The following DPY19L1 variants were observed in gnomAD, a reference collection of about 807,000 sequenced individuals.
DPY19L1 encodes protein C-mannosyl-transferase DPY19L1.
A neutral mutation model predicts 96.9 loss-of-function variants in DPY19L1; 35 were observed. The ratio of observed to expected loss-of-function variants is 0.36; its 90% CI spans 0.28 to 0.48. The LOEUF (loss-of-function observed/expected upper bound fraction) is 0.48, where lower values mean the gene tolerates loss of function less well. Ranked by LOEUF, DPY19L1 falls within the 20% of genes least tolerant of loss-of-function variation. DPY19L1 has a pLI of 0.99. For missense variants in DPY19L1, 521 were observed against 777.9 expected (o/e 0.67, Z 3.93); for synonymous variants, 205 against 252.6 (o/e 0.81, Z 1.79).
chr7:35,031,456 CG>C (rs1444718261), intron 1 of DPY19L1, among the ~76,000 whole-genome samples: 1 of 152,116 alleles, frequency 6.6e-6, no homozygotes, highest in Non-Finnish European at 1.5e-5. Flanking sequence ...ACCAATCCCT[CG>C]GGGTTACTAA....
At chr7:34,991,744 CAAA>C (rs1785172828) in intron 6 of DPY19L1, among the ~76,000 whole-genome samples, 1 of 152,192 alleles carries the variant, frequency 6.6e-6, no homozygotes, top group Admixed American at 6.5e-5. Flanking sequence ...TCTGTTCTTC[CAAA>C]TCTCTCTCTC....
chr7:34,952,821 AT>A (rs1408035179), intron 13 of DPY19L1, among the ~76,000 whole-genome samples: 1 of 152,196 alleles, frequency 6.6e-6, no homozygotes, highest in African/African-American at 2.4e-5. Flanking sequence ...GGACAAAATT[AT>A]AAAAAAAACA....
At chr7:35,015,256 G>C (rs1267857064) in intron 3 of DPY19L1, among the ~76,000 whole-genome samples, 1 of 152,080 alleles carries the variant, frequency 6.6e-6, no homozygotes, top group African/African-American at 2.4e-5. Context: ...TTATCAACTT[G>C]GAAGAAGATT....
intron 1 of DPY19L1, among the ~76,000 whole-genome samples, chr7:35,036,614 G>GA (rs1786407048): frequency 6.6e-6 from 1 of 152,012 alleles, no homozygotes; most frequent in South Asian, 2.1e-4. Context: ...CGGCCAGGAA[G>GA]AAAAAAGTAC....
At position 34,962,838 on chromosome 7, in the gene DPY19L1, G is replaced by C. The variant is rs145450293; in HGVS notation, c.1092+4056C>G. Among the ~76,000 whole-genome samples the C allele has an allele frequency of 2.6e-5, 4 of 152,240 alleles. No individual in the cohort carries two copies. In the East Asian group the frequency reaches 5.8e-4, roughly 22 times the overall value. ...ACTCTGGTGCGGGATGTCAATAGAG[G>C]GGTAGGTTGTGCATGGTTGGGGGCA... On this transcript the variant is annotated intron_variant, in intron 10 of 21. Coordinates refer to ENST00000638088, the MANE Select transcript of DPY19L1 (RefSeq NM_001366673.1).
intron 14 of DPY19L1, among the ~76,000 whole-genome samples, chr7:34,948,450 T>G (rs184476792): frequency 4.5e-4 from 69 of 152,308 alleles, no homozygotes; most frequent in Middle Eastern, 3.4e-3. Flanking sequence ...TTGGAACATA[T>G]GTTCCCTGAA....
intron 7 of DPY19L1, among the ~76,000 whole-genome samples, chr7:34,987,521 T>C (rs1442835604): frequency 1.3e-5 from 2 of 152,090 alleles, no homozygotes; most frequent in African/African-American, 2.4e-5. Flanking sequence ...TCTTCACATG[T>C]AGTGCACAGC....
intron 7 of DPY19L1, among the ~76,000 whole-genome samples, chr7:34,976,279 C>A (rs1391555265): frequency 1.3e-5 from 2 of 152,164 alleles, no homozygotes; most frequent in African/African-American, 4.8e-5. Context: ...CTTAGATGGG[C>A]TCAAGACTTC....
At chr7:35,023,266 C>G (rs1012289293) in intron 1 of DPY19L1, among the ~76,000 whole-genome samples, 3 of 152,176 alleles carry the variant, frequency 2.0e-5, no homozygotes, top group Non-Finnish European at 2.9e-5. Flanking sequence ...TCCTGAGGGT[C>G]ACTGGGAAGT....
chr7:35,012,950 G>T (rs1410309770), intron 4 of DPY19L1, among the ~76,000 whole-genome samples: 7 of 151,410 alleles, frequency 4.6e-5, no homozygotes, highest in Non-Finnish European at 8.9e-5. Context: ...AGAGAACACT[G>T]ATATATATAT....
chr7:35,025,546 A>G (rs922450195), intron 1 of DPY19L1, among the ~76,000 whole-genome samples: 8 of 152,148 alleles, frequency 5.3e-5, no homozygotes, highest in African/African-American at 1.9e-4. Flanking sequence ...AGACATGGAT[A>G]TAACTTAGGT....
At chr7:34,948,660 A>G (rs1307155101) in intron 14 of DPY19L1, among the ~76,000 whole-genome samples, 1 of 152,250 alleles carries the variant, frequency 6.6e-6, no homozygotes, top group Non-Finnish European at 1.5e-5. Flanking sequence ...GTTCTCAATA[A>G]CATTAAACAA....
intron 6 of DPY19L1, among the ~76,000 whole-genome samples, chr7:34,998,346 A>G (rs328926): frequency 0.27 from 41,641 of 152,092 alleles, 5,816 homozygotes; most frequent in Non-Finnish European, 0.31. Context: ...GGGCCACAGG[A>G]ACTCTGGGCA....
intron 6 of DPY19L1, among the ~76,000 whole-genome samples, chr7:34,999,091 A>G (rs1469188504): frequency 1.3e-5 from 2 of 152,240 alleles, no homozygotes; most frequent in African/African-American, 4.8e-5. Flanking sequence ...GTTTTCCTCC[A>G]AAGTGAAGAA....
intron 1 of DPY19L1, among the ~76,000 whole-genome samples, chr7:35,034,904 T>C (rs1313579104): frequency 6.6e-6 from 1 of 152,218 alleles, no homozygotes; most frequent in Non-Finnish European, 1.5e-5. Flanking sequence ...TACTGTATAA[T>C]GTCAGCTCAA....
At chr7:34,934,743 C>G (rs1232983362) in intron 21 of DPY19L1, among the ~76,000 whole-genome samples, 2 of 152,208 alleles carry the variant, frequency 1.3e-5, no homozygotes, top group South Asian at 4.1e-4. Context: ...CAATAGGGTT[C>G]ATACTCCTAT....
At chr7:35,009,687 C>G (rs1388807867) in intron 6 of DPY19L1, among the ~76,000 whole-genome samples, 3 of 152,052 alleles carry the variant, frequency 2.0e-5, no homozygotes, top group Admixed American at 6.6e-5. Flanking sequence ...GGAAGAAGAA[C>G]CACAGACAGC....
At chr7:35,037,623 C>G, upstream of DPY19L1, 2 of 222,266 alleles carry the variant, frequency 9.0e-6, no homozygotes, top group Non-Finnish European at 1.7e-5. Context: ...GCTAGCCCGC[C>G]GCCGTTGCCG....
chr7:34,961,274 G>A (rs1418936535), intron 10 of DPY19L1, among the ~76,000 whole-genome samples: 1 of 152,192 alleles, frequency 6.6e-6, no homozygotes, highest in Non-Finnish European at 1.5e-5. Flanking sequence ...AATCAAGACA[G>A]TGTGATATTG....
Sources: gnomAD v4.1 joint callset for allele counts (sites outside exome capture counted in the v4.1 genomes callset) on GRCh38, gnomAD v4.1.1 for gene constraint, MANE v1.5 for transcripts, NCBI Gene and HGNC (gene_info 2026-07-23, HGNC 2026-07-21) for gene names.